DYNC1LI2: variants seen among roughly 807,000 people sequenced by gnomAD.
DYNC1LI2 encodes the protein dynein cytoplasmic 1 light intermediate chain 2.
DYNC1LI2 carries 19 observed loss-of-function variants against 57.8 expected under a neutral mutation model. The ratio of observed to expected loss-of-function variants is 0.33; its 90% CI spans 0.23 to 0.48. DYNC1LI2 has a LOEUF of 0.48. Among genes scored for constraint, DYNC1LI2 ranks in the 20% least tolerant of loss-of-function variants. The probability of loss-of-function intolerance (pLI) is 0.99; values close to 1 mark genes in which losing one functional copy is unlikely to be tolerated. For missense variants in DYNC1LI2, 470 were observed against 604.2 expected (o/e 0.78, Z 2.33); for synonymous variants, 256 against 233.4 (o/e 1.10, Z -0.88).
chr16:66,735,766 A>C (rs532847255), intron 5 of DYNC1LI2, among the ~76,000 whole-genome samples: 3 of 152,206 alleles, frequency 2.0e-5, no homozygotes, highest in Admixed American at 6.5e-5. Flanking sequence ...TCAGCCTCCC[A>C]AAGTGCTGAG....
Position 66,751,008 on chromosome 16 carries a change from G to A in DYNC1LI2, c.181+265C>T, listed in dbSNP as rs2018037111. Among the ~76,000 whole-genome samples, 1 of 152,148 alleles carries A rather than the reference G, an allele frequency of 6.6e-6. No homozygotes were observed. The highest frequency in any genetic ancestry group is 2.1e-4 in the South Asian group (1 of 4,822). ...CCACGACCTCAATTTGGTAACCGTCGAGGCAATGAAGGCATAGAGGGCCAA... is the reference window on the plus strand; with the variant it reads ...CCACGACCTCAATTTGGTAACCGTCAAGGCAATGAAGGCATAGAGGGCCAA... On this transcript the variant is annotated intron_variant, in intron 2 of 12. Coordinates refer to ENST00000258198, the MANE Select transcript of DYNC1LI2 (RefSeq NM_006141.3). The surrounding 1 kb of genome is among the most constrained non-coding windows in gnomAD (Gnocchi z 5.2).
chr16:66,745,684 A>G (rs2017922964), intron 3 of DYNC1LI2, among the ~76,000 whole-genome samples: 1 of 151,674 alleles, frequency 6.6e-6, no homozygotes, highest in African/African-American at 2.4e-5. Context: ...CGGGTGGATC[A>G]CTTGAGCTCA....
At position 66,751,526 on chromosome 16, in the gene DYNC1LI2, G is replaced by A; in HGVS notation, c.66C>T (p.Ala22=). The change falls in exon 1 of 13, where the codon GCC becomes GCT. Residue 22 remains alanine, a synonymous_variant. Transcript: ENST00000258198. The surrounding 1 kb of genome is among the most constrained non-coding windows in gnomAD (Gnocchi z 5.2). The stretch of plus-strand genomic sequence containing the variant: ...CCTCCTCCTCACTGGTCAGGTCGCC[G>A]GCGGCCGCCACCGCGGGCCCGTTGG... ...LGPNGPAVAA[A]GDLTSEEEEG... 6.3e-7 allele frequency: 1 copy of A among 1,588,272 alleles called. No individual in the cohort carries two copies. The highest frequency in any genetic ancestry group is 1.4e-5 in the African/African-American group (1 of 71,426).
At chr16:66,725,359 T>G (rs2017519711) in intron 12 of DYNC1LI2, among the ~76,000 whole-genome samples, 1 of 151,866 alleles carries the variant, frequency 6.6e-6, no homozygotes, top group African/African-American at 2.4e-5. Flanking sequence ...CACGCGCCTG[T>G]AATCCCAGCT....
rs2017479715 is a variant in DYNC1LI2, at chr16:66,723,278, CCTT to C, written c.*441_*443del. 1 of 453,582 alleles carries C rather than the reference CCTT, an allele frequency of 2.2e-6. No individual in the cohort carries two copies. Among genetic ancestry groups the C allele is most frequent in the Non-Finnish European group, 4.4e-6 (1 of 224,880 alleles). The allele number at this position is 453,582 out of a possible 1,614,324, so 28.1% of individuals were successfully genotyped here. A position where few individuals can be genotyped will look rare whatever the true frequency, so the allele number is the denominator to read the frequency against. ...CCCCACCATCACTTGTCTCATTACT[CCTT>C]CTGGTCTTTCTTTCCTGGACTTTCT... On this transcript the variant is annotated 3_prime_UTR_variant, in exon 13 of 13. Transcript: ENST00000258198.
At chr16:66,743,205 A>G (rs1397123037) in intron 3 of DYNC1LI2, among the ~76,000 whole-genome samples, 1 of 151,238 alleles carries the variant, frequency 6.6e-6, no homozygotes, top group Non-Finnish European at 1.5e-5. Context: ...CAAACAAAAA[A>G]AACTACAGTA....
At chr16:66,730,460 T>G (rs900838056) in intron 7 of DYNC1LI2, 10 of 384,520 alleles carry the variant, frequency 2.6e-5, no homozygotes, top group Non-Finnish European at 4.2e-5. Context: ...GGAGCCAGTA[T>G]GAGATCCCAT....
intron 3 of DYNC1LI2, among the ~76,000 whole-genome samples, chr16:66,743,679 C>T (rs2017882640): frequency 6.6e-6 from 1 of 151,772 alleles, no homozygotes; most frequent in African/African-American, 2.4e-5. Flanking sequence ...CCTAAGGTAA[C>T]AGCAATCAGT....
chr16:66,749,465 GA>G, intron 2 of DYNC1LI2, 152 bp from the exon 3 acceptor site: 1 of 759,884 alleles, frequency 1.3e-6, no homozygotes, highest in Non-Finnish European at 2.2e-6. Context: ...GACTTTGCTG[GA>G]AGAGTGGTTG....
At position 66,728,239 on chromosome 16, in the gene DYNC1LI2, G is replaced by C; in HGVS notation, c.1105C>G (p.Leu369Val). ...GGAGTGGCTGGTTGCTTGGCAAGGA[G>C]TGACTGCAAAGAGAGGGACAAACTG... ...EQVFLMKQQS[L>V]LAKQPATPTR... The change falls in exon 10 of 13, where the codon CTC becomes GTC. Residue 369 changes from leucine (L) to valine (V), a missense_variant. Physicochemically the swap from Leu to Val is conservative, Grantham distance 32 (BLOSUM62 1). Transcript: ENST00000258198. The C allele has an allele frequency of 6.2e-7, 1 of 1,614,112 alleles. No individual in the cohort carries two copies. The highest frequency in any genetic ancestry group is 1.3e-5 in the African/African-American group (1 of 75,042).
chr16:66,727,016 C>T (rs1334813447), intron 11 of DYNC1LI2, among the ~76,000 whole-genome samples: 1 of 152,016 alleles, frequency 6.6e-6, no homozygotes, highest in East Asian at 1.9e-4. Context: ...GCCCTGGGCC[C>T]AAGCAATCCT....
Position 66,751,448 on chromosome 16 carries a change from G to GC in DYNC1LI2, c.107+36dup, listed in dbSNP as rs747762223. On this transcript the variant is annotated intron_variant, in intron 1 of 12. Transcript: ENST00000258198. The surrounding 1 kb of genome is among the most constrained non-coding windows in gnomAD (Gnocchi z 5.2). ...TCCGACGGTCCGGCCCAGAGGCCGC[G>GC]CCCCCCACGGCCCGGCCCGACCGCC... 3.8e-6 allele frequency: 6 copies of GC among 1,577,332 alleles called. No homozygotes were observed. Among genetic ancestry groups the GC allele is most frequent in the African/African-American group, 2.8e-5 (2 of 70,554 alleles).
At chr16:66,746,505 T>C (rs2017937681) in intron 3 of DYNC1LI2, among the ~76,000 whole-genome samples, 1 of 152,126 alleles carries the variant, frequency 6.6e-6, no homozygotes, top group Non-Finnish European at 1.5e-5. Context: ...GCGGGTGGCC[T>C]AAAAAAATCC....
chr16:66,751,569 T>C lies in DYNC1LI2; in HGVS notation c.23A>G (p.Lys8Arg), dbSNP rs2018056686. 7.0e-6 allele frequency: 11 copies of C among 1,580,914 alleles called. No homozygotes were observed. Among genetic ancestry groups the C allele is most frequent in the Non-Finnish European group, 9.4e-6 (11 of 1,166,306 alleles). Residue 8 changes from lysine (K) to arginine (R), a missense_variant, in exon 1 of 13, where the codon AAG becomes AGG. Coordinates refer to ENST00000258198, the MANE Select transcript of DYNC1LI2 (RefSeq NM_006141.3). This position sits in a 1 kb window ranked among gnomAD's most constrained non-coding sequence, Gnocchi z 5.2. MAPVGVE[K>R]KLLLGPNGPA... ...CCCGTTGGGACCTAGCAGCAGCTTC[T>C]TCTCCACCCCCACCGGCGCCATCTT... is the stretch of plus-strand genomic sequence containing the variant.
intron 9 of DYNC1LI2, 92 bp from the exon 10 acceptor site, chr16:66,728,334 G>C: frequency 6.9e-7 from 1 of 1,442,682 alleles, no homozygotes; most frequent in Non-Finnish European, 9.6e-7. Flanking sequence ...CTCCACTAGA[G>C]GGCACTATTA....
rs935444456 is a variant in DYNC1LI2 at position 66,723,180 on chromosome 16, C to A, written c.*542G>T. The A allele has an allele frequency of 1.4e-5, 5 of 345,800 alleles. No homozygotes were observed. The highest frequency in any genetic ancestry group is 1.2e-5 in the Non-Finnish European group (2 of 171,954). The allele number at this position is 345,800 out of a possible 1,614,324, so 21.4% of individuals were successfully genotyped here. On this transcript the variant is annotated 3_prime_UTR_variant, in exon 13 of 13. Coordinates refer to ENST00000258198, the MANE Select transcript of DYNC1LI2 (RefSeq NM_006141.3). ...AATGCTTCTAACAATGATTCTTCAACTTCTACTGAATGCACAGTATTTACT... is the reference window on the plus strand; with the variant it reads ...AATGCTTCTAACAATGATTCTTCAAATTCTACTGAATGCACAGTATTTACT...
rs576584315 is a variant in DYNC1LI2 at position 66,732,168 on chromosome 16, C to T, written c.929+171G>A. 1.1e-3 allele frequency: 972 copies of T among 896,224 alleles called. 2 individuals carry two copies. Among genetic ancestry groups the T allele is most frequent in the Non-Finnish European group, 1.3e-3 (813 of 620,938 alleles). 55.5% of individuals were successfully genotyped at this position (896,224 alleles called of 1,614,324 possible). On this transcript the variant is annotated intron_variant, in intron 7 of 12. Transcript: ENST00000258198. ...GCAGCACCCCTGACCACACCACCCACTTCCCTCAGGCAGATGCCTCATAAT... is the reference window on the plus strand; with the variant it reads ...GCAGCACCCCTGACCACACCACCCATTTCCCTCAGGCAGATGCCTCATAAT...
chr16:66,724,362 C>T (rs1309479636), intron 12 of DYNC1LI2, among the ~76,000 whole-genome samples: 1 of 152,100 alleles, frequency 6.6e-6, no homozygotes, highest in Non-Finnish European at 1.5e-5. Flanking sequence ...AAATAGACAC[C>T]TATTTCCCAG....
intron 3 of DYNC1LI2, 91 bp downstream of exon 3, chr16:66,749,106 G>T: frequency 8.0e-7 from 1 of 1,243,334 alleles, no homozygotes; most frequent in Non-Finnish European, 1.2e-6. Context: ...AGAAAACTGA[G>T]AATGCCTGGC....
Sources: gnomAD v4.1 joint callset for allele counts (sites outside exome capture counted in the v4.1 genomes callset) on GRCh38, gnomAD v4.1.1 for gene constraint, Gnocchi (gnomAD v3.1) non-coding constraint, MANE v1.5 for transcripts, NCBI Gene and HGNC (gene_info 2026-07-23, HGNC 2026-07-21) for gene names.